Variants in DTNA observed in about 807,000 individuals in gnomAD.
DTNA encodes dystrobrevin alpha.
In DTNA, 43 loss-of-function variants were observed where a neutral mutation model predicts 100.7. The ratio of observed to expected loss-of-function variants is 0.43; its 90% CI spans 0.33 to 0.55. DTNA has a LOEUF of 0.55. DTNA is among the 20% of genes least tolerant of loss of function. The pLI, the probability that DTNA is intolerant of heterozygous loss-of-function variation, is 0.04. For missense variants in DTNA, 798 were observed against 953.9 expected, an observed-to-expected ratio of 0.84 and a Z score of 2.15; for synonymous variants, 349 against 347.9, an observed-to-expected ratio of 1.00 and a Z score of -0.04.
At chr18:34,869,960 G>A (rs1219698561) in intron 17 of DTNA, among the ~76,000 whole-genome samples, 2 of 152,214 alleles carry the variant, frequency 1.3e-5, no homozygotes, top group African/African-American at 2.4e-5. Context: ...GGCGGAGCTT[G>A]CAGTGAGCTG....
At chr18:34,735,031 G>A (rs1480818439) in intron 1 of DTNA, among the ~76,000 whole-genome samples, 1 of 151,932 alleles carries the variant, frequency 6.6e-6, no homozygotes, top group East Asian at 1.9e-4. Context: ...TAGAAGGACA[G>A]AACTAATAGA....
chr18:34,835,549 G>A (rs2149674981), intron 11 of DTNA, among the ~76,000 whole-genome samples: 1 of 152,150 alleles, frequency 6.6e-6, no homozygotes, highest in East Asian at 1.9e-4. Context: ...AGTAGAGGAA[G>A]GAGGAGAGGA....
intron 1 of DTNA, among the ~76,000 whole-genome samples, chr18:34,711,074 G>T (rs2082812354): frequency 6.6e-6 from 1 of 152,052 alleles, no homozygotes; most frequent in African/African-American, 2.4e-5. Context: ...TGTGATACAG[G>T]ATTTAAAAAT....
intron 1 of DTNA, among the ~76,000 whole-genome samples, chr18:34,585,339 G>A (rs2049021545): frequency 6.6e-6 from 1 of 152,148 alleles, no homozygotes; most frequent in African/African-American, 2.4e-5. Context: ...GGAAATATAA[G>A]ATGGGCAGAT....
chr18:34,642,878 T>A (rs2059448715), intron 1 of DTNA, among the ~76,000 whole-genome samples: 1 of 152,060 alleles, frequency 6.6e-6, no homozygotes, highest in South Asian at 2.1e-4. Context: ...TCTCAGGGAA[T>A]CATGCTGCCT....
In DTNA at chr18:34,710,400, G is replaced by C. The variant is rs1484921583; in HGVS notation, c.-47G>C. 6.6e-6 allele frequency: 1 copy of C among 152,168 alleles called. No individual in the cohort carries two copies. Among genetic ancestry groups the C allele is most frequent in the East Asian group, 1.9e-4 (1 of 5,194 alleles). 9.4% of individuals were successfully genotyped at this position (152,168 alleles called of 1,614,324 possible). On this transcript the variant is annotated 5_prime_UTR_variant, in exon 1 of 23. Coordinates refer to ENST00000444659, the MANE Select transcript of DTNA (RefSeq NM_001386795.1). ...AGTTTTCAGCATATGTAGTACTTCA[G>C]AGGAAGAATTAAGGGGCATGTTGGT...
intron 11 of DTNA, among the ~76,000 whole-genome samples, 198 bp from the exon 12 acceptor site, chr18:34,837,896 G>A (rs562028895): frequency 6.6e-6 from 1 of 152,306 alleles, no homozygotes; most frequent in East Asian, 1.9e-4. Flanking sequence ...TGGTGATTGC[G>A]ATTGTGGTTC....
chr18:34,662,690 A>G (rs921447104), intron 1 of DTNA, among the ~76,000 whole-genome samples: 1 of 152,192 alleles, frequency 6.6e-6, no homozygotes, highest in African/African-American at 2.4e-5. Flanking sequence ...TTGATCTGAA[A>G]AAGAAATGAT....
At chr18:34,754,299 TGC>T (rs901632333) in intron 1 of DTNA, among the ~76,000 whole-genome samples, 4 of 152,230 alleles carry the variant, frequency 2.6e-5, no homozygotes, top group African/African-American at 4.8e-5. Flanking sequence ...AGCAGTCTTC[TGC>T]TGTAGTTTTG....
chr18:34,515,584 T>A (rs2041520948), intron 1 of DTNA, among the ~76,000 whole-genome samples: 1 of 152,144 alleles, frequency 6.6e-6, no homozygotes, highest in South Asian at 2.1e-4. Context: ...ATGAAATATG[T>A]TACTGTTGTT....
chr18:34,552,020 A>G (rs1033346750), intron 1 of DTNA, among the ~76,000 whole-genome samples: 5 of 152,036 alleles, frequency 3.3e-5, no homozygotes, highest in African/African-American at 1.2e-4. Flanking sequence ...TTTGTCATCA[A>G]TGCTGTCACT....
rs546380787 is a variant in DTNA, at chr18:34,669,328, G to A, written c.-1-86648G>A. 3.1e-3 allele frequency among the ~76,000 whole-genome samples: 479 copies of A among 152,226 alleles called. 2 individuals are homozygous for A. Among genetic ancestry groups the A allele is most frequent in the African/African-American group, 0.011 (441 of 41,538 alleles). ...TTTGAGCCTATGTGTGTCTCTGCAC[G>A]TGAGATGGGTTTCCTGAATACAGTA... On this transcript the variant is annotated intron_variant, in intron 1 of 19. Transcript: ENST00000283365.
intron 10 of DTNA, among the ~76,000 whole-genome samples, chr18:34,828,664 C>T (rs2095920303): frequency 6.6e-6 from 1 of 151,974 alleles, no homozygotes; most frequent in African/African-American, 2.4e-5. Flanking sequence ...AAGATGTTCC[C>T]CATAATTGTA....
At chr18:34,786,489 T>C (rs899751293) in intron 3 of DTNA, among the ~76,000 whole-genome samples, 1 of 152,158 alleles carries the variant, frequency 6.6e-6, no homozygotes, top group African/African-American at 2.4e-5. Flanking sequence ...TTTGTTGCTA[T>C]GGGGATTCCT....
In DTNA at chr18:34,716,279, C is replaced by T. The variant is rs77764158; in HGVS notation, c.-2+5834C>T. 4.8e-3 allele frequency among the ~76,000 whole-genome samples: 733 copies of T among 152,112 alleles called. 10 individuals are homozygous for T. The East Asian group carries it at 0.05, about 10-fold the overall frequency. On this transcript the variant is annotated intron_variant, in intron 1 of 22. Transcript: ENST00000444659. The stretch of plus-strand genomic sequence containing the variant: ...TAGAAGCTATAAAGCTGTAAGAAGT[C>T]GGCCGGGCACCGTGGCTCACACCTG...
chr18:34,630,885 T>A (rs962579071), intron 1 of DTNA, among the ~76,000 whole-genome samples: 2 of 151,940 alleles, frequency 1.3e-5, no homozygotes, highest in Non-Finnish European at 2.9e-5. Context: ...TGTGAAATCA[T>A]CAGCATATAA....
chr18:34,568,297 T>C (rs2047262178), intron 1 of DTNA, among the ~76,000 whole-genome samples: 1 of 152,214 alleles, frequency 6.6e-6, no homozygotes, highest in Non-Finnish European at 1.5e-5. Context: ...TGTGCAGTGA[T>C]ATGATTTGTC....
intron 1 of DTNA, among the ~76,000 whole-genome samples, chr18:34,614,649 A>G (rs1265775221): frequency 6.6e-6 from 1 of 152,210 alleles, no homozygotes; most frequent in Non-Finnish European, 1.5e-5. Context: ...GCAGATAGCA[A>G]AAGAAATAGA....
At chr18:34,585,084 C>T (rs28671225) in intron 1 of DTNA, among the ~76,000 whole-genome samples, 15,661 of 152,110 alleles carry the variant, frequency 0.1, 1,171 homozygotes, top group African/African-American at 0.21. Flanking sequence ...TTGTCCCAAA[C>T]ATCTTTCTCA....
Sources: allele counts gnomAD v4.1 joint callset (sites outside exome capture counted in the v4.1 genomes callset), GRCh38; gene constraint gnomAD v4.1.1; transcripts MANE v1.5; gene names NCBI Gene and HGNC (gene_info 2026-07-23, HGNC 2026-07-21).